TLK2: variants seen among roughly 807,000 people sequenced by gnomAD.
TLK2 encodes tousled like kinase 2.
In TLK2, 6 loss-of-function variants were observed where a neutral mutation model predicts 117.3. The observed-to-expected ratio is 0.05, with a 90% CI of 0.03 to 0.10. TLK2 has a LOEUF of 0.10. Among genes scored for constraint, TLK2 ranks in the 10% least tolerant of loss-of-function variants. The pLI is 1.00. For synonymous variants in TLK2, 257 were observed against 316.7 expected (o/e 0.81, Z 2.00); for missense variants, 299 against 901.2 (o/e 0.33, Z 8.56).
chr17:62,501,611 A>G (rs552275089), intron 2 of TLK2, among the ~76,000 whole-genome samples: 1 of 152,138 alleles, frequency 6.6e-6, no homozygotes, highest in South Asian at 2.1e-4. Context: ...TTAAAAAAAA[A>G]AGAAAGAATG....
intron 2 of TLK2, among the ~76,000 whole-genome samples, chr17:62,497,744 G>C (rs760648609): frequency 2.0e-5 from 3 of 152,154 alleles, no homozygotes; most frequent in Non-Finnish European, 1.5e-5. Flanking sequence ...GCCCGGGCTG[G>C]AGTGCAGTGG....
intron 12 of TLK2, chr17:62,574,362 CA>C: frequency 6.5e-7 from 1 of 1,549,574 alleles, no homozygotes; most frequent in Non-Finnish European, 8.7e-7. Context: ...TCTGGGAATA[CA>C]GAGCTAAAGG....
At chr17:62,539,906 CTG>C (rs1309071993) in intron 7 of TLK2, among the ~76,000 whole-genome samples, 1 of 152,138 alleles carries the variant, frequency 6.6e-6, no homozygotes, top group Admixed American at 6.5e-5. Flanking sequence ...AATTTCAGGC[CTG>C]TGTCAGTTGC....
intron 7 of TLK2, among the ~76,000 whole-genome samples, chr17:62,551,198 G>C (rs2146183320): frequency 6.6e-6 from 1 of 152,244 alleles, no homozygotes; most frequent in South Asian, 2.1e-4. Context: ...ATAGTTGGTG[G>C]TTATACCATT....
intron 4 of TLK2, among the ~76,000 whole-genome samples, chr17:62,522,528 T>C (rs2076113939): frequency 6.6e-6 from 1 of 152,208 alleles, no homozygotes; most frequent in South Asian, 2.1e-4. Flanking sequence ...GGTTTTTCTT[T>C]ACACCAAATA....
intron 9 of TLK2, among the ~76,000 whole-genome samples, chr17:62,556,762 T>G (rs1476841560): frequency 6.6e-6 from 1 of 152,218 alleles, no homozygotes; most frequent in Non-Finnish European, 1.5e-5. Context: ...CTCTTTATAT[T>G]GGTTTCTTCT....
upstream of TLK2, among the ~76,000 whole-genome samples, chr17:62,478,428 C>G (rs979188581): frequency 6.6e-6 from 1 of 150,620 alleles, no homozygotes; most frequent in African/African-American, 2.4e-5. Flanking sequence ...CCGGCCCGGG[C>G]CAGTCCAGCG....
At chr17:62,523,413 T>C (rs766593545) in intron 5 of TLK2, among the ~76,000 whole-genome samples, 1 of 152,068 alleles carries the variant, frequency 6.6e-6, no homozygotes, top group Non-Finnish European at 1.5e-5. Context: ...ACCCTGTCTC[T>C]ACAAAAAACA....
chr17:62,503,880 C>T (rs2145063722), intron 2 of TLK2, among the ~76,000 whole-genome samples: 1 of 151,976 alleles, frequency 6.6e-6, no homozygotes, highest in East Asian at 1.9e-4. Flanking sequence ...AGGCATGTGC[C>T]ACCACCCCAG....
At chr17:62,611,836 A>G (rs149966158) in intron 21 of TLK2, 42 of 152,362 alleles carry the variant, frequency 2.8e-4, no homozygotes, top group African/African-American at 1.0e-3. Context: ...CACTCACTGC[A>G]TTTTTGGGTC....
Position 62,614,623 on chromosome 17 carries a change from G to A in TLK2, c.*2058G>A, listed in dbSNP as rs2084005660. The A allele has an allele frequency of 6.6e-6, 1 of 152,162 alleles. No individual in the cohort carries two copies. Among genetic ancestry groups the A allele is most frequent in the Admixed American group, 6.5e-5 (1 of 15,274 alleles). The allele number at this position is 152,162 out of a possible 1,614,324, so 9.4% of individuals were successfully genotyped here. ...AAATTGGAGAGAAGTTCATGGGTAGGTATCGTCCTGTGGAATTCTGAATGC... is the reference window on the plus strand; with the variant it reads ...AAATTGGAGAGAAGTTCATGGGTAGATATCGTCCTGTGGAATTCTGAATGC... On this transcript the variant is annotated 3_prime_UTR_variant, in exon 22 of 22. Transcript: ENST00000346027.
At chr17:62,537,473 G>C (rs947594031) in intron 7 of TLK2, among the ~76,000 whole-genome samples, 3 of 152,186 alleles carry the variant, frequency 2.0e-5, no homozygotes, top group African/African-American at 7.2e-5. Context: ...CTCCATGTCT[G>C]TGTGGGTTTT....
chr17:62,493,003 C>A (rs1197707754), intron 2 of TLK2, among the ~76,000 whole-genome samples: 2 of 152,004 alleles, frequency 1.3e-5, no homozygotes, highest in Non-Finnish European at 2.9e-5. Flanking sequence ...GAGGCTGATG[C>A]AAGAGAATCA....
At chr17:62,504,988 C>T (rs1161968994) in intron 2 of TLK2, among the ~76,000 whole-genome samples, 4 of 151,970 alleles carry the variant, frequency 2.6e-5, no homozygotes, top group African/African-American at 9.7e-5. Context: ...GGACTACAGG[C>T]GTGCGCCACC....
In TLK2 at chr17:62,559,992, T is replaced by C. The variant is rs755901215; in HGVS notation, c.721-24T>C. On this transcript the variant is annotated intron_variant, in intron 9 of 21. Transcript: ENST00000346027. ...CATTAATCTTCTTCCTTGGAGCTAATTAAAAATTTTTTTCTCATTGAAGGC... is the reference window on the plus strand; with the variant it reads ...CATTAATCTTCTTCCTTGGAGCTAACTAAAAATTTTTTTCTCATTGAAGGC... 5.9e-6 allele frequency: 9 copies of C among 1,537,724 alleles called. No individual in the cohort carries two copies. In the South Asian group the frequency reaches 1.1e-4, roughly 18 times the overall value.
rs1373990846 is a variant in TLK2 at position 62,553,668 on chromosome 17, C to T, written c.633C>T (p.Asp211=). ...TTTTACCTTTGTCTCTGTAGTCCGA[C>T]CTCACAATAGAAAAAATATCTGCAC... ...ISIQHRQTQS[D]LTIEKISALE... is the part of the protein sequence containing the mutation. The change falls in exon 9 of 22, where the codon GAC becomes GAT. Residue 211 remains aspartate (D), a synonymous_variant. Coordinates refer to ENST00000346027, the MANE Select transcript of TLK2 (RefSeq NM_006852.6). 1 of 1,609,686 alleles carries T rather than the reference C, an allele frequency of 6.2e-7. No homozygotes were observed. Among genetic ancestry groups the T allele is most frequent in the Non-Finnish European group, 8.5e-7 (1 of 1,176,920 alleles).
chr17:62,553,209 A>C (rs1314859246), intron 8 of TLK2, among the ~76,000 whole-genome samples: 1 of 152,162 alleles, frequency 6.6e-6, no homozygotes, highest in African/African-American at 2.4e-5. Context: ...TATCTAAATC[A>C]CCAGCTCTTG....
intron 11 of TLK2, among the ~76,000 whole-genome samples, chr17:62,565,651 C>CAAAAA (rs5821367): frequency 8.9e-5 from 9 of 101,104 alleles, no homozygotes; most frequent in Non-Finnish European, 1.3e-4. Context: ...GACTCCATCT[C>CAAAAA]AAAAAAAAAA....
At chr17:62,556,237 C>T (rs1025998230) in intron 9 of TLK2, among the ~76,000 whole-genome samples, 2 of 152,116 alleles carry the variant, frequency 1.3e-5, no homozygotes, top group African/African-American at 4.8e-5. Flanking sequence ...GTTAAATTAC[C>T]ATTCTTACTG....
Sources: allele counts gnomAD v4.1 joint callset (sites outside exome capture counted in the v4.1 genomes callset), GRCh38; gene constraint gnomAD v4.1.1; transcripts MANE v1.5; gene names NCBI Gene and HGNC (gene_info 2026-07-23, HGNC 2026-07-21).